ADAM19: variants seen among roughly 807,000 people sequenced by gnomAD.
The protein encoded by ADAM19 is ADAM metallopeptidase domain 19, also known as disintegrin and metalloproteinase domain-containing protein 19.
In ADAM19, 65 loss-of-function variants were observed where a neutral mutation model predicts 114.7. The ratio of observed to expected loss-of-function variants is 0.57; its 90% CI spans 0.46 to 0.70. The LOEUF (loss-of-function observed/expected upper bound fraction) is 0.70, where lower values mean the gene tolerates loss of function less well. Among genes scored for constraint, ADAM19 ranks in the 30% least tolerant of loss-of-function variants. The pLI is 0.00. For synonymous variants in ADAM19, 466 were observed against 460.5 expected (o/e 1.01, Z -0.15); for missense variants, 1,063 against 1,204.7 (o/e 0.88, Z 1.74).
At chr5:157,481,105 C>A (rs1754732456) in intron 22 of ADAM19, 103 bp from the exon 23 acceptor site, 1 of 1,464,664 alleles carries the variant, frequency 6.8e-7, no homozygotes, top group Non-Finnish European at 9.4e-7. Flanking sequence ...GGATGGACCA[C>A]CCACTGAGAA....
At chr5:157,557,179 A>T (rs1197131091) in intron 3 of ADAM19, among the ~76,000 whole-genome samples, 1 of 152,232 alleles carries the variant, frequency 6.6e-6, no homozygotes, top group Non-Finnish European at 1.5e-5. Flanking sequence ...AAGTGCTAGG[A>T]TTACAGGCAT....
At chr5:157,564,660 C>T (rs1376228656) in intron 2 of ADAM19, among the ~76,000 whole-genome samples, 2 of 152,188 alleles carry the variant, frequency 1.3e-5, no homozygotes, top group Admixed American at 6.5e-5. Context: ...AGAGAAGAAA[C>T]TCCAGGCTGC....
chr5:157,507,019 C>A, intron 10 of ADAM19, 37 bp downstream of exon 10: 1 of 1,568,590 alleles, frequency 6.4e-7, no homozygotes, highest in Non-Finnish European at 8.8e-7. Context: ...GGCAGCTCAG[C>A]GCCTTCTGCA....
At chr5:157,557,381 G>C (rs994763549) in intron 3 of ADAM19, among the ~76,000 whole-genome samples, 2 of 152,152 alleles carry the variant, frequency 1.3e-5, no homozygotes, top group Non-Finnish European at 1.5e-5. Flanking sequence ...TGTGCACAAG[G>C]CTTTCAGAAT....
intron 1 of ADAM19, among the ~76,000 whole-genome samples, chr5:157,573,858 A>C (rs552250121): frequency 9.2e-5 from 14 of 152,322 alleles, no homozygotes; most frequent in African/African-American, 3.4e-4. Flanking sequence ...GCCCTGGGCC[A>C]CATGATTTCA....
intron 5 of ADAM19, 147 bp downstream of exon 5, chr5:157,530,660 C>T (rs941308892): frequency 1.6e-6 from 1 of 624,172 alleles, no homozygotes; most frequent in African/African-American, 1.9e-5. Flanking sequence ...CCTTGCCCAT[C>T]CTCCCAGGCT....
Position 157,490,747 on chromosome 5 carries a change from C to A in ADAM19, c.2096-293G>T, listed in dbSNP as rs9763945. Reference sequence around the variant, plus strand: ...TCTCTACTAAAAACACAAAAATTAGCTAGGTGTGGTGGCACATGCCTGTAG... The same window carrying A: ...TCTCTACTAAAAACACAAAAATTAGATAGGTGTGGTGGCACATGCCTGTAG... On this transcript the variant is annotated intron_variant, in intron 18 of 22. Transcript: ENST00000257527. 8.0e-3 allele frequency among the ~76,000 whole-genome samples: 1,223 copies of A among 152,122 alleles called. 10 individuals carry two copies. Among genetic ancestry groups the A allele is most frequent in the African/African-American group, 0.027 (1,128 of 41,482 alleles).
At chr5:157,486,681 T>C (rs958581346) in intron 21 of ADAM19, among the ~76,000 whole-genome samples, 1 of 151,798 alleles carries the variant, frequency 6.6e-6, no homozygotes, top group Non-Finnish European at 1.5e-5. Flanking sequence ...CCCGACCCAC[T>C]CCCTCCTCCC....
chr5:157,501,908 T>A (rs1755574870), intron 12 of ADAM19, among the ~76,000 whole-genome samples: 1 of 148,004 alleles, frequency 6.8e-6, no homozygotes, highest in East Asian at 2.0e-4. Flanking sequence ...AAAAAAAAAA[T>A]TAACCAGGTG....
intron 21 of ADAM19, among the ~76,000 whole-genome samples, chr5:157,483,749 T>C (rs1409076259): frequency 6.6e-6 from 1 of 151,816 alleles, no homozygotes; most frequent in African/African-American, 2.4e-5. Flanking sequence ...TTCTCTTGCC[T>C]CAGCCTCCTG....
intron 4 of ADAM19, among the ~76,000 whole-genome samples, chr5:157,534,300 T>C (rs1452223887): frequency 6.6e-6 from 1 of 152,030 alleles, no homozygotes; most frequent in African/African-American, 2.4e-5. Context: ...AAACTCCATT[T>C]CTACTAAAAA....
intron 10 of ADAM19, 78 bp downstream of exon 10, chr5:157,506,978 A>G: frequency 8.2e-7 from 1 of 1,221,024 alleles, no homozygotes; most frequent in South Asian, 1.3e-5. Flanking sequence ...ATATCAACTT[A>G]TTATTCAAAA....
rs760851184 is a variant in ADAM19, at chr5:157,505,684, A to C, written c.1115T>G (p.Met372Arg). ...SASAADGGCI[M>R]AAATGHPFPK... ...TTTGACTCACCCAGTGGCAGCTGCC[A>C]TGATGCACCCACCATCAGCCGCACT... The change falls in exon 11 of 23, where the codon ATG becomes AGG. Residue 372 changes from methionine (M) to arginine (R), a missense_variant. Met to Arg is a moderately conservative substitution (Grantham distance 91, BLOSUM62 -1). Coordinates refer to ENST00000257527, the MANE Select transcript of ADAM19 (RefSeq NM_033274.5). The C allele has an allele frequency of 6.2e-7, 1 of 1,614,024 alleles. No homozygotes were observed. Among genetic ancestry groups the C allele is most frequent in the African/African-American group, 1.3e-5 (1 of 75,020 alleles).
At chr5:157,574,407 T>A (rs747623922) in intron 1 of ADAM19, among the ~76,000 whole-genome samples, 2 of 152,162 alleles carry the variant, frequency 1.3e-5, no homozygotes, top group Non-Finnish European at 2.9e-5. Context: ...TGCCTCAGTT[T>A]CCCCTTCGGA....
chr5:157,518,669 C>A (rs1756171685), intron 7 of ADAM19, among the ~76,000 whole-genome samples, 154 bp downstream of exon 7: 2 of 152,250 alleles, frequency 1.3e-5, no homozygotes, highest in Admixed American at 6.5e-5. Flanking sequence ...CAGGCGTGAG[C>A]CGCCGCGCCC....
At chr5:157,496,768 G>C (rs781237639) in intron 14 of ADAM19, 126 bp downstream of exon 14, 58 of 767,256 alleles carry the variant, frequency 7.6e-5, no homozygotes, top group Non-Finnish European at 1.1e-4. Context: ...CTGAGTCAAG[G>C]GGATGAAAGA....
chr5:157,569,419 T>TC (rs1329344599), intron 2 of ADAM19, among the ~76,000 whole-genome samples: 3 of 139,086 alleles, frequency 2.2e-5, no homozygotes, highest in Non-Finnish European at 4.7e-5. Context: ...TAATTTTCTT[T>TC]TTTTTTTTTT....
At chr5:157,546,148 G>A (rs1757041949) in intron 3 of ADAM19, among the ~76,000 whole-genome samples, 1 of 152,208 alleles carries the variant, frequency 6.6e-6, no homozygotes. Context: ...GGCAAATGCT[G>A]ACACCATGCA....
chr5:157,502,309 A>G (rs1011714615), intron 12 of ADAM19, among the ~76,000 whole-genome samples: 1 of 152,248 alleles, frequency 6.6e-6, no homozygotes, highest in Non-Finnish European at 1.5e-5. Flanking sequence ...GAGTTTACAC[A>G]TAAACAGTTC....
Sources: gnomAD v4.1 joint callset for allele counts (sites outside exome capture counted in the v4.1 genomes callset) on GRCh38, gnomAD v4.1.1 for gene constraint, MANE v1.5 for transcripts, NCBI Gene and HGNC (gene_info 2026-07-23, HGNC 2026-07-21) for gene names.